NEGR1: variants seen among roughly 807,000 people sequenced by gnomAD.
NEGR1 encodes neuronal growth regulator 1, also known as IgLON family member 4.
Under a neutral mutation model 40.9 loss-of-function variants are expected in NEGR1, and 10 were observed. The ratio of observed to expected loss-of-function variants is 0.24; its 90% confidence interval spans 0.15 to 0.42. NEGR1 has a LOEUF of 0.42. Among genes scored for constraint, NEGR1 ranks in the 10% least tolerant of loss-of-function variants. NEGR1 has a pLI of 1.00. For synonymous variants in NEGR1, 185 were observed against 166.8 expected (o/e 1.11, Z -0.84); for missense variants, 352 against 438.9 (o/e 0.80, Z 1.77).
intron 1 of NEGR1, among the ~76,000 whole-genome samples, chr1:72,210,038 G>A (rs1033791112): frequency 4.6e-5 from 7 of 151,814 alleles, no homozygotes; most frequent in Non-Finnish European, 5.9e-5. Flanking sequence ...GAATAAACTA[G>A]GCTTTGGAAG....
chr1:71,499,519 T>TTA (rs1557546977), intron 6 of NEGR1, among the ~76,000 whole-genome samples: 1 of 148,186 alleles, frequency 6.7e-6, no homozygotes, highest in Non-Finnish European at 1.5e-5. Flanking sequence ...TATATTATTA[T>TTA]TATATATATA....
intron 2 of NEGR1, among the ~76,000 whole-genome samples, chr1:71,881,580 G>C (rs953382842): frequency 6.6e-6 from 1 of 151,962 alleles, no homozygotes; most frequent in African/African-American, 2.4e-5. Flanking sequence ...TTTAAATAAA[G>C]ATTCTGCAAG....
chr1:71,466,229 A>G (rs1482009515), intron 6 of NEGR1, among the ~76,000 whole-genome samples: 1 of 152,124 alleles, frequency 6.6e-6, no homozygotes, highest in East Asian at 1.9e-4. Flanking sequence ...TAGTAAAAGA[A>G]GTAATAGTGT....
At chr1:71,689,855 TTAAA>T (rs1212254498) in intron 4 of NEGR1, among the ~76,000 whole-genome samples, 1 of 151,442 alleles carries the variant, frequency 6.6e-6, no homozygotes, top group Non-Finnish European at 1.5e-5. Flanking sequence ...TTAATTAACA[TTAAA>T]TAAATGTAAG....
At chr1:72,134,239 T>C (rs900055223) in intron 1 of NEGR1, among the ~76,000 whole-genome samples, 7 of 150,910 alleles carry the variant, frequency 4.6e-5, no homozygotes, top group Non-Finnish European at 7.4e-5. Flanking sequence ...GATGGAGTCT[T>C]GCTCTGTTGC....
intron 6 of NEGR1, among the ~76,000 whole-genome samples, chr1:71,524,108 A>T (rs1557554554): frequency 6.6e-6 from 1 of 151,846 alleles, no homozygotes; most frequent in Non-Finnish European, 1.5e-5. Flanking sequence ...GCTTTTACAG[A>T]ATCCTATGTC....
intron 1 of NEGR1, among the ~76,000 whole-genome samples, chr1:72,093,991 A>G (rs955038173): frequency 2.0e-5 from 3 of 152,196 alleles, no homozygotes; most frequent in African/African-American, 7.2e-5. Flanking sequence ...AATGGTCAAT[A>G]ATAATAAGGC....
chr1:71,777,872 T>C (rs1656566704), intron 2 of NEGR1, among the ~76,000 whole-genome samples: 1 of 152,214 alleles, frequency 6.6e-6, no homozygotes, highest in South Asian at 2.1e-4. Context: ...CCAAATGACA[T>C]AGTTTAATTG....
chr1:71,869,760 A>T (rs1294614081), intron 2 of NEGR1, among the ~76,000 whole-genome samples: 1 of 152,198 alleles, frequency 6.6e-6, no homozygotes, highest in African/African-American at 2.4e-5. Context: ...TTGACTTCTT[A>T]TTTTTCACTT....
chr1:71,789,110 G>C (rs1038808169), intron 2 of NEGR1, among the ~76,000 whole-genome samples: 1 of 152,044 alleles, frequency 6.6e-6, no homozygotes, highest in Non-Finnish European at 1.5e-5. Flanking sequence ...ATGTGTTCCA[G>C]GTCGAGTTAT....
chr1:71,748,056 C>T (rs1655446331), intron 3 of NEGR1, among the ~76,000 whole-genome samples: 1 of 152,080 alleles, frequency 6.6e-6, no homozygotes, highest in Non-Finnish European at 1.5e-5. Flanking sequence ...GTTATTAAAA[C>T]AATTCAGTTG....
chr1:71,947,089 TAC>T (rs3078155), intron 1 of NEGR1, among the ~76,000 whole-genome samples: 5,720 of 128,996 alleles, frequency 0.044, 176 homozygotes, highest in South Asian at 0.099. Flanking sequence ...TCCTGTCTCA[TAC>T]ACACACACAC....
intron 1 of NEGR1, among the ~76,000 whole-genome samples, chr1:72,109,629 T>C (rs939492072): frequency 6.6e-6 from 1 of 151,676 alleles, no homozygotes; most frequent in Non-Finnish European, 1.5e-5. Context: ...AAATTTCATG[T>C]GTTCTTAGTA....
intron 1 of NEGR1, among the ~76,000 whole-genome samples, chr1:72,240,524 CA>C (rs1400692468): frequency 6.6e-6 from 1 of 151,694 alleles, no homozygotes; most frequent in African/African-American, 2.4e-5. Context: ...AGAATTGTAA[CA>C]GGAGATAAAA....
At chr1:71,655,663 G>A (rs1475211599) in intron 4 of NEGR1, among the ~76,000 whole-genome samples, 1 of 152,100 alleles carries the variant, frequency 6.6e-6, no homozygotes, top group African/African-American at 2.4e-5. Context: ...ACTTGATGAG[G>A]GTGGGTTGCA....
intron 4 of NEGR1, among the ~76,000 whole-genome samples, chr1:71,638,138 C>T (rs1019504355): frequency 7.9e-5 from 12 of 152,022 alleles, no homozygotes; most frequent in Non-Finnish European, 1.5e-4. Flanking sequence ...TCCACAAGCA[C>T]TTTAAACATG....
At chr1:72,093,689 G>A (rs1166820055) in intron 1 of NEGR1, among the ~76,000 whole-genome samples, 1 of 152,050 alleles carries the variant, frequency 6.6e-6, no homozygotes, top group Non-Finnish European at 1.5e-5. Context: ...AAAATAGTGA[G>A]TCTCATTTAG....
At chr1:71,720,318 GA>G (rs1654463156) in intron 3 of NEGR1, among the ~76,000 whole-genome samples, 1 of 152,106 alleles carries the variant, frequency 6.6e-6, no homozygotes, top group Non-Finnish European at 1.5e-5. Context: ...AAAGTAAAAG[GA>G]AACTCCTTTG....
At chr1:71,719,421 A>G (rs1432900680) in intron 3 of NEGR1, among the ~76,000 whole-genome samples, 1 of 152,192 alleles carries the variant, frequency 6.6e-6, no homozygotes, top group Non-Finnish European at 1.5e-5. Context: ...TGTAATCATT[A>G]ATGCATCTGC....
Sources: gnomAD v4.1 joint callset for allele counts (sites outside exome capture counted in the v4.1 genomes callset) on GRCh38, gnomAD v4.1.1 for gene constraint, MANE v1.5 for transcripts, NCBI Gene and HGNC (gene_info 2026-07-23, HGNC 2026-07-21) for gene names.